AKT3: variants seen among roughly 807,000 people sequenced by gnomAD.
AKT3 encodes AKT serine/threonine kinase 3.
In AKT3, 15 loss-of-function variants were observed where a neutral mutation model predicts 65.3. The ratio of observed to expected loss-of-function variants is 0.23; its 90% CI spans 0.15 to 0.35. The LOEUF (loss-of-function observed/expected upper bound fraction) is 0.35, where lower values mean the gene tolerates loss of function less well. AKT3 is among the 10% of genes least tolerant of loss of function. The probability of loss-of-function intolerance (pLI) is 1.00; values close to 1 mark genes in which losing one functional copy is unlikely to be tolerated. For synonymous variants in AKT3, 206 were observed against 183.8 expected, an observed-to-expected ratio of 1.12 and a Z score of -0.98; for missense variants, 243 against 576.5, an observed-to-expected ratio of 0.42 and a Z score of 5.92.
intron 6 of AKT3, among the ~76,000 whole-genome samples, chr1:243,626,536 T>C (rs1279672565): frequency 6.6e-6 from 1 of 152,184 alleles, no homozygotes; most frequent in African/African-American, 2.4e-5. Context: ...GGCTACCAAA[T>C]TAATCAGGAT....
intron 12 of AKT3, among the ~76,000 whole-genome samples, chr1:243,525,661 C>A (rs1670995297): frequency 7.0e-6 from 1 of 142,948 alleles, no homozygotes; most frequent in South Asian, 2.3e-4. Flanking sequence ...ATGTAAGAGT[C>A]AGTAAACTTG....
At chr1:243,829,317 C>T (rs1204556188) in intron 2 of AKT3, among the ~76,000 whole-genome samples, 1 of 152,116 alleles carries the variant, frequency 6.6e-6, no homozygotes, top group African/African-American at 2.4e-5. Context: ...ATGTTTTCAT[C>T]ATAATGATGC....
intron 2 of AKT3, among the ~76,000 whole-genome samples, chr1:243,803,783 A>G (rs1240856658): frequency 1.3e-5 from 2 of 152,202 alleles, no homozygotes; most frequent in African/African-American, 2.4e-5. Context: ...AAATGAGCAC[A>G]TAACCCAGGA....
chr1:243,569,889 T>C (rs960269840), intron 9 of AKT3, among the ~76,000 whole-genome samples: 11 of 152,196 alleles, frequency 7.2e-5, no homozygotes, highest in African/African-American at 2.4e-4. Context: ...GAAAAGAAGA[T>C]TTTAACATAT....
chr1:243,653,250 A>G (rs1296624209), intron 4 of AKT3, among the ~76,000 whole-genome samples: 3 of 152,252 alleles, frequency 2.0e-5, no homozygotes, highest in African/African-American at 7.2e-5. Flanking sequence ...ATCTAGAAGA[A>G]ATGGATAAAT....
intron 8 of AKT3, among the ~76,000 whole-genome samples, chr1:243,577,573 C>T (rs771178195): frequency 1.3e-5 from 2 of 152,112 alleles, no homozygotes; most frequent in African/African-American, 2.4e-5. Flanking sequence ...AAATGTAAAA[C>T]CCCAAACTAT....
intron 3 of AKT3, among the ~76,000 whole-genome samples, chr1:243,680,437 A>G (rs1428985990): frequency 2.0e-5 from 3 of 152,000 alleles, no homozygotes; most frequent in African/African-American, 7.2e-5. Flanking sequence ...CTTCCCCTGC[A>G]TTTCATTTTT....
At chr1:243,492,853 CACCTT>C (rs1191000342) in intron 13 of AKT3, among the ~76,000 whole-genome samples, 1 of 152,084 alleles carries the variant, frequency 6.6e-6, no homozygotes, top group Non-Finnish European at 1.5e-5. Flanking sequence ...GTGATCTGCC[CACCTT>C]GGCCTCCCAA....
chr1:243,532,203 A>C (rs925265681), intron 12 of AKT3, among the ~76,000 whole-genome samples: 15 of 152,198 alleles, frequency 9.9e-5, no homozygotes, highest in Admixed American at 5.2e-4. Context: ...CAGGGGAAAA[A>C]CTTTCAGTCT....
intron 5 of AKT3, among the ~76,000 whole-genome samples, chr1:243,641,383 T>C (rs1680388744): frequency 6.7e-6 from 1 of 149,270 alleles, no homozygotes; most frequent in African/African-American, 2.5e-5. Flanking sequence ...GGCAAGTAAC[T>C]CAGAAACATT....
intron 12 of AKT3, among the ~76,000 whole-genome samples, chr1:243,536,937 T>A (rs915485199): frequency 9.9e-5 from 15 of 152,204 alleles, no homozygotes; most frequent in African/African-American, 3.6e-4. Flanking sequence ...CTTCCGCTGG[T>A]GCATCTGTTC....
intron 3 of AKT3, among the ~76,000 whole-genome samples, chr1:243,689,111 A>G (rs1256370637): frequency 6.6e-6 from 1 of 152,022 alleles, no homozygotes; most frequent in Non-Finnish European, 1.5e-5. Flanking sequence ...AATTAATCCT[A>G]TTTTTCCTCC....
intron 2 of AKT3, among the ~76,000 whole-genome samples, chr1:243,809,351 T>C (rs1361854983): frequency 6.6e-6 from 1 of 150,872 alleles, no homozygotes; most frequent in Non-Finnish European, 1.5e-5. Flanking sequence ...ACCAAGCAAA[T>C]GGAAAACAAA....
chr1:243,681,755 C>T (rs537269442), intron 3 of AKT3, among the ~76,000 whole-genome samples: 56 of 152,218 alleles, frequency 3.7e-4, no homozygotes, highest in African/African-American at 1.2e-3. Context: ...AGTTCTGCCA[C>T]GTACTTGCTT....
At chr1:243,767,706 A>T (rs993715852) in intron 2 of AKT3, among the ~76,000 whole-genome samples, 2 of 152,134 alleles carry the variant, frequency 1.3e-5, no homozygotes, top group Non-Finnish European at 2.9e-5. Flanking sequence ...TGGGTAAAGG[A>T]GTAAGTGGAT....
intron 2 of AKT3, among the ~76,000 whole-genome samples, chr1:243,800,545 C>A (rs182790622): frequency 1.3e-3 from 204 of 152,198 alleles, no homozygotes; most frequent in Admixed American, 7.5e-3. Context: ...TGGTGAAACC[C>A]CGTCTCTACT....
intron 5 of AKT3, among the ~76,000 whole-genome samples, chr1:243,641,411 A>G (rs999416572): frequency 3.3e-5 from 5 of 151,774 alleles, no homozygotes; most frequent in Admixed American, 6.6e-5. Context: ...TAACCAGGCC[A>G]GAGTGTCAAT....
intron 2 of AKT3, among the ~76,000 whole-genome samples, chr1:243,818,513 C>G (rs375832000): frequency 1.3e-5 from 2 of 152,088 alleles, no homozygotes; most frequent in African/African-American, 4.8e-5. Context: ...TTTTTTACTC[C>G]TCAAAAGTAT....
chr1:243,803,777 G>A (rs565466184), intron 2 of AKT3, among the ~76,000 whole-genome samples: 3 of 152,026 alleles, frequency 2.0e-5, no homozygotes, highest in African/African-American at 7.2e-5. Context: ...TTCAAGAAAT[G>A]AGCACATAAC....
Sources: allele counts gnomAD v4.1 joint callset (sites outside exome capture counted in the v4.1 genomes callset), GRCh38; gene constraint gnomAD v4.1.1; transcripts MANE v1.5; gene names NCBI Gene and HGNC (gene_info 2026-07-23, HGNC 2026-07-21).